CMIP: variants seen among roughly 807,000 people sequenced by gnomAD.
CMIP encodes the protein c-Maf inducing protein, also known as C-Maf-inducing protein.
Under a neutral mutation model 97.3 loss-of-function variants are expected in CMIP, and 13 were observed. The ratio of observed to expected loss-of-function variants is 0.13; its 90% CI spans 0.09 to 0.21. CMIP has a LOEUF of 0.21. Ranked by LOEUF, CMIP falls within the 10% of genes least tolerant of loss-of-function variation. CMIP has a pLI of 1.00. For missense variants in CMIP, 847 were observed against 1,024.9 expected, an observed-to-expected ratio of 0.83 and a Z score of 2.37; for synonymous variants, 538 against 436.3, an observed-to-expected ratio of 1.23 and a Z score of -2.91.
intron 1 of CMIP, among the ~76,000 whole-genome samples, chr16:81,446,872 A>G (rs371389856): frequency 4.0e-5 from 5 of 123,906 alleles, no homozygotes; most frequent in East Asian, 5.6e-4. Context: ...AGAGCGTTGC[A>G]GCCCTCGAGG....
At chr16:81,657,160 A>G (rs774786054) in intron 4 of CMIP, among the ~76,000 whole-genome samples, 8 of 152,228 alleles carry the variant, frequency 5.3e-5, no homozygotes, top group Non-Finnish European at 1.2e-4. Context: ...TTGGGAAGGA[A>G]ACAGGACCCC....
intron 1 of CMIP, among the ~76,000 whole-genome samples, chr16:81,477,614 C>T (rs955401475): frequency 6.6e-6 from 1 of 152,238 alleles, no homozygotes; most frequent in Non-Finnish European, 1.5e-5. Context: ...TGTAAGACTC[C>T]GGGATCATAT....
intron 1 of CMIP, among the ~76,000 whole-genome samples, chr16:81,583,005 G>C (rs1325904827): frequency 6.6e-6 from 1 of 152,182 alleles, no homozygotes; most frequent in Admixed American, 6.5e-5. Flanking sequence ...AAAGGGCAAA[G>C]GCTACTCCCT....
At chr16:81,511,895 C>T (rs1455686103) in intron 1 of CMIP, among the ~76,000 whole-genome samples, 2 of 152,080 alleles carry the variant, frequency 1.3e-5, no homozygotes, top group Non-Finnish European at 2.9e-5. Flanking sequence ...TGTCCAATAC[C>T]ACGGCCACCA....
chr16:81,472,236 TTCCTCG>T (rs1907605372), intron 1 of CMIP, among the ~76,000 whole-genome samples: 1 of 152,228 alleles, frequency 6.6e-6, no homozygotes, highest in African/African-American at 2.4e-5. Context: ...CTGCCTCAGT[TTCCTCG>T]TCTATAAGAT....
chr16:81,516,576 G>T (rs752191970), intron 1 of CMIP, among the ~76,000 whole-genome samples: 2 of 152,176 alleles, frequency 1.3e-5, no homozygotes, highest in Non-Finnish European at 2.9e-5. Context: ...GCCGTCAGAG[G>T]AAGCCTTCCC....
At chr16:81,446,466 G>A (rs1905850603) in intron 1 of CMIP, among the ~76,000 whole-genome samples, 1 of 152,062 alleles carries the variant, frequency 6.6e-6, no homozygotes. Flanking sequence ...AGCCTGAACA[G>A]GATGCTTTGT....
Position 81,703,470 on chromosome 16 carries a change from GAC to G in CMIP, c.1945-465_1945-464del, listed in dbSNP as rs1282823743. 2.0e-5 allele frequency among the ~76,000 whole-genome samples: 3 copies of G among 151,988 alleles called. No homozygotes were observed. The East Asian group carries it at 5.8e-4, about 29-fold the overall frequency. On this transcript the variant is annotated intron_variant, in intron 17 of 20. Transcript: ENST00000537098. ...AGCCAGTCACACACCCTGATGCACA[GAC>G]ACAGACACACAGAGACACACCAACA...
At chr16:81,452,564 T>G (rs1906285010) in intron 1 of CMIP, among the ~76,000 whole-genome samples, 1 of 152,034 alleles carries the variant, frequency 6.6e-6, no homozygotes, top group Non-Finnish European at 1.5e-5. Context: ...GGTGGGCTGC[T>G]TTGTACATAG....
intron 1 of CMIP, among the ~76,000 whole-genome samples, chr16:81,506,292 TG>T (rs1223555938): frequency 1.3e-5 from 2 of 152,152 alleles, no homozygotes; most frequent in African/African-American, 2.4e-5. Flanking sequence ...CTTACTGATT[TG>T]GGGTCTGAGA....
intron 19 of CMIP, among the ~76,000 whole-genome samples, chr16:81,706,351 A>G (rs1378206990): frequency 1.3e-5 from 2 of 152,310 alleles, no homozygotes; most frequent in East Asian, 3.9e-4. Context: ...AGCAGGGGCC[A>G]TGACTCCTAC....
intron 4 of CMIP, among the ~76,000 whole-genome samples, chr16:81,656,704 C>T (rs2092486468): frequency 1.3e-5 from 2 of 152,222 alleles, no homozygotes; most frequent in Admixed American, 1.3e-4. Context: ...GTGGCACAAT[C>T]TCAGCTCACT....
At chr16:81,706,938 C>T (rs1908216892) in intron 19 of CMIP, 76 bp from the exon 20 acceptor site, 3 of 1,307,930 alleles carry the variant, frequency 2.3e-6, no homozygotes, top group African/African-American at 2.9e-5. Context: ...CATTGAGCTC[C>T]TCCAGCTTGG....
intron 4 of CMIP, among the ~76,000 whole-genome samples, chr16:81,654,264 G>T (rs915009671): frequency 4.8e-5 from 7 of 144,376 alleles, no homozygotes; most frequent in African/African-American, 2.0e-4. Context: ...TAACAATGGG[G>T]TCTCACTGTG....
chr16:81,686,382 C>A (rs919625303), intron 10 of CMIP, among the ~76,000 whole-genome samples: 2 of 152,206 alleles, frequency 1.3e-5, no homozygotes, highest in Non-Finnish European at 2.9e-5. Context: ...CTCTGAGAAC[C>A]CCAGGCTGCA....
rs79663046 is a variant in CMIP at position 81,568,180 on chromosome 16, G to A, written c.301-39387G>A. Among the ~76,000 whole-genome samples, 110 of 151,958 alleles carry A rather than the reference G, an allele frequency of 7.2e-4. 1 individual carries two copies. In the East Asian group the frequency reaches 0.021, roughly 28 times the overall value. The stretch of plus-strand genomic sequence containing the variant: ...TGATGGGAGAATCCGTAGGCTTGAT[G>A]TTGAGGTCCTTCGGTTTGTCTTTCT... On this transcript the variant is annotated intron_variant, in intron 1 of 20. Coordinates refer to ENST00000537098, the MANE Select transcript of CMIP (RefSeq NM_198390.3).
chr16:81,490,879 G>A (rs948981543), intron 1 of CMIP, among the ~76,000 whole-genome samples: 2 of 152,138 alleles, frequency 1.3e-5, no homozygotes, highest in African/African-American at 4.8e-5. Context: ...GGCAGGCATC[G>A]AACTGGGTGC....
Position 81,709,736 on chromosome 16 carries a change from C to T in CMIP, c.2269-10C>T, listed in dbSNP as rs74031247. 2,122 of 1,613,760 alleles carry T rather than the reference C, an allele frequency of 1.3e-3. 20 individuals carry two copies. The African/African-American group carries it at 0.024, about 18-fold the overall frequency. ...CTACACGTGACAAGGACTCTTATTG[C>T]CACCCCCAGGCCAAGCTTCCCAATT... is the stretch of plus-strand genomic sequence containing the variant. On this transcript the variant is annotated splice_polypyrimidine_tract_variant and intron_variant, in intron 20 of 20. Transcript: ENST00000537098.
intron 3 of CMIP, among the ~76,000 whole-genome samples, chr16:81,633,668 A>AC (rs945882995): frequency 1.3e-5 from 2 of 151,916 alleles, no homozygotes; most frequent in Non-Finnish European, 2.9e-5. Context: ...AGGGACAGAG[A>AC]CCCCCTTTCA....
Sources: allele counts gnomAD v4.1 joint callset (sites outside exome capture counted in the v4.1 genomes callset), GRCh38; gene constraint gnomAD v4.1.1; transcripts MANE v1.5; gene names NCBI Gene and HGNC (gene_info 2026-07-23, HGNC 2026-07-21).